LRRC4C: variants seen among roughly 807,000 people sequenced by gnomAD.
LRRC4C encodes the protein leucine rich repeat containing 4C.
A neutral mutation model predicts 33.6 loss-of-function variants in LRRC4C; 5 were observed. The observed-to-expected ratio is 0.15, with a 90% CI of 0.08 to 0.31. The LOEUF (loss-of-function observed/expected upper bound fraction) is 0.31, where lower values mean the gene tolerates loss of function less well. Among genes scored for constraint, LRRC4C ranks in the 10% least tolerant of loss-of-function variants. The probability of loss-of-function intolerance (pLI) is 1.00; values close to 1 mark genes in which losing one functional copy is unlikely to be tolerated. For missense variants in LRRC4C, 560 were observed against 796.7 expected, an observed-to-expected ratio of 0.70 and a Z score of 3.58; for synonymous variants, 329 against 302.0, an observed-to-expected ratio of 1.09 and a Z score of -0.93.
At chr11:41,303,943 C>A (rs376768415) in intron 1 of LRRC4C, among the ~76,000 whole-genome samples, 3,501 of 90,248 alleles carry the variant, frequency 0.039, 64 homozygotes, top group Non-Finnish European at 0.062. Flanking sequence ...GCCACCCCAT[C>A]TGGGAAGTGA....
At chr11:40,462,250 T>C (rs752008313) in intron 3 of LRRC4C, among the ~76,000 whole-genome samples, 14 of 152,052 alleles carry the variant, frequency 9.2e-5, no homozygotes, top group Non-Finnish European at 1.8e-4. Context: ...TAAAACTTTG[T>C]ATAGAAACAA....
Position 40,224,781 on chromosome 11 carries a change from GTCA to G in LRRC4C, c.-96+16735_-96+16737del, listed in dbSNP as rs1864666399. 2.0e-5 allele frequency among the ~76,000 whole-genome samples: 3 copies of G among 152,134 alleles called. No homozygotes were observed. In the South Asian group the frequency reaches 6.2e-4, roughly 32 times the overall value. On this transcript the variant is annotated intron_variant, in intron 5 of 6. Coordinates refer to ENST00000528697, the MANE Select transcript of LRRC4C (RefSeq NM_001258419.2). ...TAAATTAATGTTATTCTTAATTGGA[GTCA>G]TCAATGACACAATAAAGACTTGTGA...
intron 3 of LRRC4C, among the ~76,000 whole-genome samples, chr11:40,524,082 G>A (rs1239005030): frequency 6.6e-6 from 1 of 152,198 alleles, no homozygotes; most frequent in African/African-American, 2.4e-5. Flanking sequence ...ATGGGAAAGA[G>A]AGATGATTAA....
chr11:40,565,182 A>T (rs1330437052), intron 3 of LRRC4C, among the ~76,000 whole-genome samples: 1 of 152,204 alleles, frequency 6.6e-6, no homozygotes, highest in Non-Finnish European at 1.5e-5. Flanking sequence ...TCTCAGGAGG[A>T]GAAGCCCCCA....
chr11:41,355,874 T>G (rs557953553), intron 1 of LRRC4C, among the ~76,000 whole-genome samples: 2 of 152,206 alleles, frequency 1.3e-5, no homozygotes, highest in African/African-American at 4.8e-5. Flanking sequence ...AATGTGAAAA[T>G]ATATTCTAAT....
At chr11:40,389,885 G>A (rs1002040635) in intron 3 of LRRC4C, among the ~76,000 whole-genome samples, 2 of 152,146 alleles carry the variant, frequency 1.3e-5, no homozygotes, top group African/African-American at 4.8e-5. Flanking sequence ...TCTTACAATA[G>A]GATAAGTAGA....
chr11:40,373,790 A>G (rs1056183157), intron 3 of LRRC4C, among the ~76,000 whole-genome samples: 1 of 152,134 alleles, frequency 6.6e-6, no homozygotes, highest in African/African-American at 2.4e-5. Flanking sequence ...CCTCTCTCAC[A>G]ATGTGACACA....
At chr11:41,060,467 T>C (rs530602748) in intron 1 of LRRC4C, among the ~76,000 whole-genome samples, 2 of 152,212 alleles carry the variant, frequency 1.3e-5, no homozygotes, top group East Asian at 3.9e-4. Context: ...GCGAGTACCC[T>C]CTTCCTGGCT....
At chr11:40,269,709 C>T (rs1377880415) in intron 4 of LRRC4C, among the ~76,000 whole-genome samples, 1 of 149,566 alleles carries the variant, frequency 6.7e-6, no homozygotes, top group Non-Finnish European at 1.5e-5. Flanking sequence ...AACGGGGTAG[C>T]AATATATAGT....
chr11:41,125,056 G>A (rs1942669162), intron 1 of LRRC4C, among the ~76,000 whole-genome samples: 2 of 152,212 alleles, frequency 1.3e-5, no homozygotes, highest in South Asian at 4.1e-4. Flanking sequence ...GGTATTTGAA[G>A]ATGATTCTCA....
chr11:40,567,687 T>C (rs1239667112), intron 3 of LRRC4C, among the ~76,000 whole-genome samples: 1 of 152,198 alleles, frequency 6.6e-6, no homozygotes, highest in Non-Finnish European at 1.5e-5. Flanking sequence ...TAGCATCACT[T>C]AGCAGTGATA....
chr11:41,168,329 A>G (rs1052810563), intron 1 of LRRC4C, among the ~76,000 whole-genome samples: 3 of 152,192 alleles, frequency 2.0e-5, no homozygotes, highest in African/African-American at 7.2e-5. Context: ...ACAGCTTACA[A>G]TTGATGAGGA....
chr11:41,307,537 C>T (rs941407889), intron 1 of LRRC4C, among the ~76,000 whole-genome samples: 1 of 152,166 alleles, frequency 6.6e-6, no homozygotes, highest in African/African-American at 2.4e-5. Flanking sequence ...CAAACACAGC[C>T]TTGTTGCATG....
intron 1 of LRRC4C, among the ~76,000 whole-genome samples, chr11:41,024,452 G>C (rs1311880228): frequency 6.6e-6 from 1 of 151,664 alleles, no homozygotes; most frequent in African/African-American, 2.4e-5. Flanking sequence ...TCCAGGGATG[G>C]TTCTAAATCC....
chr11:40,852,455 TATAAC>T lies in LRRC4C; in HGVS notation c.-407+81175_-407+81179del, dbSNP rs573025443. On this transcript the variant is annotated intron_variant, in intron 2 of 6. Transcript: ENST00000528697. ...AGATTACTAAATTAAAAGTTAAAGA[TATAAC>T]ATATAAAACAATATTAATATATTTA... 2.8e-4 allele frequency among the ~76,000 whole-genome samples: 43 copies of T among 152,242 alleles called. No homozygotes were observed. In the South Asian group the frequency reaches 8.7e-3, roughly 31 times the overall value.
intron 2 of LRRC4C, among the ~76,000 whole-genome samples, chr11:40,820,722 A>T (rs1295499857): frequency 6.6e-6 from 1 of 151,850 alleles, no homozygotes; most frequent in African/African-American, 2.4e-5. Context: ...TTACAAACCT[A>T]CAACCAAATC....
In LRRC4C at chr11:41,050,961, A is replaced by C. The variant is rs538773284; in HGVS notation, c.-495-117238T>G. On this transcript the variant is annotated intron_variant, in intron 1 of 6. Coordinates refer to ENST00000528697, the MANE Select transcript of LRRC4C (RefSeq NM_001258419.2). The stretch of plus-strand genomic sequence containing the variant: ...CATTTCCTCTCAGACAATGTCTTTC[A>C]GAGTGTGACTTTTTGACTCACATTA... 3.9e-5 allele frequency among the ~76,000 whole-genome samples: 6 copies of C among 152,292 alleles called. No individual in the cohort carries two copies. The South Asian group carries it at 1.2e-3, about 32-fold the overall frequency.
chr11:40,247,215 G>A (rs900574777), intron 4 of LRRC4C, among the ~76,000 whole-genome samples: 2 of 151,926 alleles, frequency 1.3e-5, no homozygotes, highest in East Asian at 3.9e-4. Flanking sequence ...CCCACTGAGT[G>A]TACCACACTT....
chr11:40,628,393 G>T (rs1304451820), intron 3 of LRRC4C, among the ~76,000 whole-genome samples: 1 of 152,138 alleles, frequency 6.6e-6, no homozygotes, highest in Non-Finnish European at 1.5e-5. Context: ...CAGGAGAACG[G>T]CGTGAACCCG....
Sources: allele counts gnomAD v4.1 joint callset (sites outside exome capture counted in the v4.1 genomes callset), GRCh38; gene constraint gnomAD v4.1.1; transcripts MANE v1.5; gene names NCBI Gene and HGNC (gene_info 2026-07-23, HGNC 2026-07-21).